The following DOK5 variants were observed in gnomAD, a reference collection of about 807,000 sequenced individuals.
The protein encoded by DOK5 is docking protein 5.
DOK5 carries 27 observed loss-of-function variants against 43.3 expected under a neutral mutation model. The ratio of observed to expected loss-of-function variants is 0.62; its 90% CI spans 0.46 to 0.86. The LOEUF (loss-of-function observed/expected upper bound fraction) is 0.86. Ranked by LOEUF, DOK5 falls within the 40% of genes least tolerant of loss-of-function variation. The pLI is 0.00. For missense variants in DOK5, 373 were observed against 392.9 expected (o/e 0.95, Z 0.43); for synonymous variants, 146 against 140.1 (o/e 1.04, Z -0.30).
intron 7 of DOK5, among the ~76,000 whole-genome samples, chr20:54,649,567 G>A (rs182711170): frequency 9.5e-6 from 1 of 104,894 alleles, no homozygotes; most frequent in Admixed American, 9.0e-5. Flanking sequence ...AAGGCTTTGC[G>A]GTGAGTCCTG....
chr20:54,615,599 G>A (rs940522041), intron 6 of DOK5, among the ~76,000 whole-genome samples: 2 of 152,098 alleles, frequency 1.3e-5, no homozygotes, highest in African/African-American at 2.4e-5. Context: ...AGATGTTTGT[G>A]GCCTTGAGAA....
At chr20:54,567,786 T>C (rs1985145229) in intron 2 of DOK5, among the ~76,000 whole-genome samples, 1 of 152,212 alleles carries the variant, frequency 6.6e-6, no homozygotes, top group African/African-American at 2.4e-5. Flanking sequence ...CGATATCTTT[T>C]CTATGTTAAG....
In DOK5 at chr20:54,475,689, G is replaced by C; in HGVS notation, c.-258G>C. On this transcript the variant is annotated 5_prime_UTR_variant, in exon 1 of 8. Transcript: ENST00000262593. The surrounding 1 kb of genome is among the most constrained non-coding windows in gnomAD (Gnocchi z 4.2). ...CAGGCCGGCCGCGGAGTCAGCTGAC[G>C]CCGGCGCTCCAGCCTCGCCTCCCCG... 1 of 541,416 alleles carries C rather than the reference G, an allele frequency of 1.8e-6. No individual in the cohort carries two copies. The highest frequency in any genetic ancestry group is 3.3e-5 in the Admixed American group (1 of 30,618). 33.5% of individuals were successfully genotyped at this position (541,416 alleles called of 1,614,324 possible). A position where few individuals can be genotyped will look rare whatever the true frequency, so the allele number is the denominator to read the frequency against.
intron 6 of DOK5, among the ~76,000 whole-genome samples, chr20:54,640,349 A>C (rs1194865994): frequency 6.6e-6 from 1 of 152,226 alleles, no homozygotes; most frequent in African/African-American, 2.4e-5. Context: ...AGGGCGGTAC[A>C]TCAGTGCCAC....
At chr20:54,616,296 C>T (rs1986805808) in intron 6 of DOK5, among the ~76,000 whole-genome samples, 2 of 152,142 alleles carry the variant, frequency 1.3e-5, no homozygotes, top group South Asian at 4.1e-4. Flanking sequence ...GAATCAAGCC[C>T]CTAGACACGT....
In DOK5 at chr20:54,599,053, A is replaced by G. The variant is rs73913617; in HGVS notation, c.599+7248A>G. On this transcript the variant is annotated intron_variant, in intron 5 of 7. Coordinates refer to ENST00000262593, the MANE Select transcript of DOK5 (RefSeq NM_018431.5). ...ATTTGAAATATATGTGTATTTGCAT[A>G]TTTGAAAGCTACATATTCCCAATTT... Among the ~76,000 whole-genome samples, 753 of 152,330 alleles carry G rather than the reference A, an allele frequency of 4.9e-3. 12 individuals carry two copies. Among genetic ancestry groups the G allele is most frequent in the African/African-American group, 0.017 (724 of 41,576 alleles).
Position 54,591,625 on chromosome 20 carries a change from A to G in DOK5, c.419A>G (p.Asn140Ser), listed in dbSNP as rs1226584600. 6.2e-7 allele frequency: 1 copy of G among 1,601,406 alleles called. No individual in the cohort carries two copies. The highest frequency in any genetic ancestry group is 8.5e-7 in the Non-Finnish European group (1 of 1,173,886). The change falls in exon 5 of 8, where the codon AAT becomes AGT. Residue 140 changes from asparagine to serine, a missense_variant. Asn to Ser is a conservative substitution (Grantham distance 46). Coordinates refer to ENST00000262593, the MANE Select transcript of DOK5 (RefSeq NM_018431.5). The part of the protein sequence containing the change: ...GVEREQSERF[N>S]VYLMPSPNLD... The stretch of plus-strand genomic sequence containing the variant: ...TTTGTTTTTCTCCCAGAGAGATTCA[A>G]TGTGTATTTGATGCCATCTCCTAAC...
chr20:54,585,615 A>G (rs1985777527), intron 2 of DOK5, among the ~76,000 whole-genome samples: 2 of 152,218 alleles, frequency 1.3e-5, no homozygotes, highest in African/African-American at 2.4e-5. Flanking sequence ...TTCAGGGGCT[A>G]AAGAGCCTCT....
intron 7 of DOK5, among the ~76,000 whole-genome samples, chr20:54,644,718 A>ACAAAC (rs1555839807): frequency 7.0e-6 from 1 of 142,500 alleles, no homozygotes; most frequent in Non-Finnish European, 1.5e-5. Flanking sequence ...AAAAAAAAAA[A>ACAAAC]AAAAAACAAA....
At chr20:54,583,341 C>T (rs1056673298) in intron 2 of DOK5, among the ~76,000 whole-genome samples, 4 of 152,132 alleles carry the variant, frequency 2.6e-5, no homozygotes, top group Non-Finnish European at 5.9e-5. Context: ...CCTATGTGCA[C>T]TTAATAAGAA....
chr20:54,619,573 G>A (rs759655373), intron 6 of DOK5, among the ~76,000 whole-genome samples: 1 of 152,220 alleles, frequency 6.6e-6, no homozygotes, highest in Non-Finnish European at 1.5e-5. Flanking sequence ...GGGCCCCACT[G>A]AGGGGGACGT....
intron 7 of DOK5, among the ~76,000 whole-genome samples, chr20:54,646,248 G>GTTTTTTTATTTTTTTTTTTTTTTT (rs1979415977): frequency 1.3e-5 from 1 of 79,922 alleles, no homozygotes. Context: ...TGGTTATACT[G>GTTTTTTTATTTTTTTTTTTTTTTT]TTTTTTTTTT....
In DOK5 at chr20:54,644,868, CA is replaced by C. The variant is rs3044097; in HGVS notation, c.856+1302del. ...GGGCAACAAGAGCAAAACTCCATCT[CA>C]AAAAAAAAAAATTCTATTTAAACCT... On this transcript the variant is annotated intron_variant, in intron 7 of 7. Transcript: ENST00000262593. Among the ~76,000 whole-genome samples, 652 of 146,120 alleles carry C rather than the reference CA, an allele frequency of 4.5e-3. 4 individuals carry two copies. The highest frequency in any genetic ancestry group is 0.015 in the African/African-American group (587 of 39,708).
intron 1 of DOK5, among the ~76,000 whole-genome samples, chr20:54,518,321 G>C (rs1054321470): frequency 6.8e-6 from 1 of 147,842 alleles, no homozygotes; most frequent in South Asian, 2.1e-4. Context: ...TCCCCTTCCT[G>C]TGTCCATGTG....
chr20:54,527,212 A>C (rs1412252236), intron 1 of DOK5, among the ~76,000 whole-genome samples: 1 of 152,220 alleles, frequency 6.6e-6, no homozygotes, highest in African/African-American at 2.4e-5. Context: ...AAATTTCAGG[A>C]TCTTTCGTTC....
chr20:54,564,627 G>GA (rs957370423), intron 2 of DOK5, among the ~76,000 whole-genome samples: 5 of 151,656 alleles, frequency 3.3e-5, no homozygotes, highest in African/African-American at 9.7e-5. Context: ...CAGAGAGAGA[G>GA]AAAAAAAATA....
chr20:54,579,407 C>A (rs1568793188), intron 2 of DOK5, among the ~76,000 whole-genome samples: 1 of 151,730 alleles, frequency 6.6e-6, no homozygotes, highest in Non-Finnish European at 1.5e-5. Flanking sequence ...GGTTAAAGAA[C>A]ACATAACATA....
chr20:54,522,455 CT>C, intron 1 of DOK5, among the ~76,000 whole-genome samples: 1 of 152,112 alleles, frequency 6.6e-6, no homozygotes, highest in East Asian at 1.9e-4. Flanking sequence ...TGAAAACACG[CT>C]CCATGAGGGT....
At chr20:54,635,446 C>T (rs1259473705) in intron 6 of DOK5, among the ~76,000 whole-genome samples, 1 of 152,038 alleles carries the variant, frequency 6.6e-6, no homozygotes, top group Admixed American at 6.6e-5. Context: ...TCATCTGCAT[C>T]ATAAAAACCT....
Sources: gnomAD v4.1 joint callset for allele counts (sites outside exome capture counted in the v4.1 genomes callset) on GRCh38, gnomAD v4.1.1 for gene constraint, Gnocchi (gnomAD v3.1) non-coding constraint, MANE v1.5 for transcripts, NCBI Gene and HGNC (gene_info 2026-07-23, HGNC 2026-07-21) for gene names.